ADK: variants seen among roughly 807,000 people sequenced by gnomAD.
The protein encoded by ADK is N6,N6-dimethyladenosine kinase.
ADK carries 24 observed loss-of-function variants against 44.7 expected under a neutral mutation model. That is an observed-to-expected ratio of 0.54 (90% CI 0.39 to 0.76). The LOEUF is 0.76. Ranked by LOEUF, ADK falls within the 30% of genes least tolerant of loss-of-function variation. ADK has a pLI of 0.00. For synonymous variants in ADK, 128 were observed against 142.6 expected, an observed-to-expected ratio of 0.90 and a Z score of 0.73; for missense variants, 321 against 425.1, an observed-to-expected ratio of 0.76 and a Z score of 2.15.
At position 74,526,181 on chromosome 10, in the gene ADK, ATTTC is replaced by A. The variant is rs1849033219; in HGVS notation, c.726+759_726+762del. On this transcript the variant is annotated intron_variant, in intron 7 of 10. Coordinates refer to ENST00000539909, the MANE Select transcript of ADK (RefSeq NM_006721.4). ...GTAAATTTTGATATATTACATTTAT[ATTTC>A]TTTATTAATAATATTTTTAAAATAT... Among the ~76,000 whole-genome samples the A allele has an allele frequency of 5.3e-5, 8 of 151,998 alleles. No individual in the cohort carries two copies. The South Asian group carries it at 1.7e-3, about 32-fold the overall frequency.
intron 6 of ADK, among the ~76,000 whole-genome samples, chr10:74,499,506 G>T (rs1337973803): frequency 1.3e-5 from 2 of 152,138 alleles, no homozygotes; most frequent in Non-Finnish European, 2.9e-5. Context: ...GGCTGAAGCG[G>T]TGAAACCCCA....
intron 4 of ADK, among the ~76,000 whole-genome samples, chr10:74,356,314 G>A (rs539719480): frequency 7.1e-4 from 108 of 152,108 alleles, no homozygotes; most frequent in African/African-American, 2.3e-3. Flanking sequence ...CACCGCGCCC[G>A]GCCAATAATT....
chr10:74,522,880 C>T lies in ADK; in HGVS notation c.556-2376C>T, dbSNP rs1848893267. Among the ~76,000 whole-genome samples, 5 of 152,256 alleles carry T rather than the reference C, an allele frequency of 3.3e-5. No individual in the cohort carries two copies. In the South Asian group the frequency reaches 6.2e-4, roughly 19 times the overall value. On this transcript the variant is annotated intron_variant, in intron 6 of 10. Transcript: ENST00000539909. The stretch of plus-strand genomic sequence containing the variant: ...CTTGCCTCTTCATTCTTCTATTTCT[C>T]CAATAGATCCTTTTCTTTGAAAAGC...
chr10:74,437,711 C>G (rs970926952), intron 6 of ADK, among the ~76,000 whole-genome samples: 1 of 152,120 alleles, frequency 6.6e-6, no homozygotes, highest in South Asian at 2.1e-4. Context: ...CTGGAGTGGC[C>G]TTTTAAAAAT....
chr10:74,452,095 G>T (rs952398804), intron 6 of ADK, among the ~76,000 whole-genome samples: 1 of 151,740 alleles, frequency 6.6e-6, no homozygotes. Flanking sequence ...CTAGAAGAAA[G>T]ATATATCTCC....
chr10:74,505,736 G>A (rs1441528994), intron 6 of ADK, among the ~76,000 whole-genome samples: 1 of 151,880 alleles, frequency 6.6e-6, no homozygotes, highest in African/African-American at 2.4e-5. Context: ...CTAAGTTGAG[G>A]TCTACTTCCA....
intron 7 of ADK, among the ~76,000 whole-genome samples, chr10:74,532,813 A>G (rs187116151): frequency 6.7e-6 from 1 of 150,218 alleles, no homozygotes; most frequent in Non-Finnish European, 1.5e-5. Flanking sequence ...AGGCAGGAGA[A>G]CCCGGGAGGC....
intron 10 of ADK, among the ~76,000 whole-genome samples, chr10:74,702,827 G>T (rs1293431754): frequency 5.3e-5 from 8 of 152,060 alleles, no homozygotes; most frequent in Admixed American, 5.2e-4. Context: ...TCAAACTCCT[G>T]ACCTCATGAT....
chr10:74,329,767 A>G (rs1000011178), intron 4 of ADK, among the ~76,000 whole-genome samples: 1 of 152,242 alleles, frequency 6.6e-6, no homozygotes, highest in Non-Finnish European at 1.5e-5. Context: ...ATTTAATTTT[A>G]TAAAAGCAGT....
chr10:74,305,040 T>A (rs911495829), intron 3 of ADK, among the ~76,000 whole-genome samples: 2 of 152,222 alleles, frequency 1.3e-5, no homozygotes, highest in African/African-American at 4.8e-5. Flanking sequence ...GTATATAACA[T>A]ATGCATATCC....
At chr10:74,554,398 T>G (rs1850159825) in intron 7 of ADK, among the ~76,000 whole-genome samples, 1 of 152,158 alleles carries the variant, frequency 6.6e-6, no homozygotes, top group Non-Finnish European at 1.5e-5. Context: ...AGTAGGTGTA[T>G]ACATATGTAT....
intron 1 of ADK, among the ~76,000 whole-genome samples, chr10:74,196,329 C>G (rs1383249065): frequency 2.0e-5 from 3 of 151,942 alleles, no homozygotes; most frequent in African/African-American, 7.2e-5. Flanking sequence ...ATCACGAGGT[C>G]AAGAGATGGA....
At chr10:74,281,780 G>GT (rs1338200144) in intron 3 of ADK, among the ~76,000 whole-genome samples, 6 of 152,086 alleles carry the variant, frequency 3.9e-5, no homozygotes, top group Non-Finnish European at 8.8e-5. Context: ...AGTTATTATT[G>GT]TTTTTTACTA....
intron 3 of ADK, 133 bp downstream of exon 3, chr10:74,224,724 A>C (rs546706589): frequency 1.4e-6 from 1 of 736,840 alleles, no homozygotes; most frequent in African/African-American, 1.7e-5. Context: ...TAATCCTAAC[A>C]ATTATGATAA....
At chr10:74,331,630 G>A (rs970011161) in intron 4 of ADK, among the ~76,000 whole-genome samples, 14 of 151,812 alleles carry the variant, frequency 9.2e-5, no homozygotes, top group African/African-American at 2.9e-4. Context: ...TATTACAGGC[G>A]CCTGCCACCA....
At chr10:74,620,083 T>A (rs947689189) in intron 9 of ADK, among the ~76,000 whole-genome samples, 1 of 152,188 alleles carries the variant, frequency 6.6e-6, no homozygotes, top group African/African-American at 2.4e-5. Context: ...AGCATATCCA[T>A]CATCTCAAAC....
intron 7 of ADK, chr10:74,527,853 A>G: frequency 9.9e-7 from 1 of 1,009,052 alleles, no homozygotes; most frequent in Admixed American, 1.7e-5. Flanking sequence ...TGAAGCTGCC[A>G]GCCAGATCTC....
chr10:74,291,398 C>T (rs2132480937), intron 3 of ADK, among the ~76,000 whole-genome samples: 1 of 152,240 alleles, frequency 6.6e-6, no homozygotes, highest in Admixed American at 6.5e-5. Flanking sequence ...GCCTGGGTGA[C>T]AGAGTGAGAC....
chr10:74,237,464 C>T (rs1269044281), intron 3 of ADK, among the ~76,000 whole-genome samples: 1 of 152,140 alleles, frequency 6.6e-6, no homozygotes, highest in Non-Finnish European at 1.5e-5. Context: ...CAAAGTCATC[C>T]ACAAGGGCTG....
Sources: allele counts gnomAD v4.1 joint callset (sites outside exome capture counted in the v4.1 genomes callset), GRCh38; gene constraint gnomAD v4.1.1; transcripts MANE v1.5; gene names NCBI Gene and HGNC (gene_info 2026-07-23, HGNC 2026-07-21).